ZNF221: variants seen among roughly 807,000 people sequenced by gnomAD.
ZNF221 encodes the protein zinc finger protein 221.
In ZNF221, 10 loss-of-function variants were observed where a neutral mutation model predicts 12.6. That is an observed-to-expected ratio of 0.79 (90% CI 0.49 to 1.34). The LOEUF (loss-of-function observed/expected upper bound fraction) is 1.34, where lower values mean the gene tolerates loss of function less well. ZNF221 is among the 40% of genes most tolerant of loss of function. The pLI is 0.00. For missense variants in ZNF221, 661 were observed against 721.4 expected (o/e 0.92, Z 0.96); for synonymous variants, 232 against 244.0 (o/e 0.95, Z 0.46).
intron 2 of ZNF221, 107 bp downstream of exon 2, chr19:43,962,914 G>A: frequency 9.3e-7 from 1 of 1,079,244 alleles, no homozygotes; most frequent in Non-Finnish European, 1.3e-6. Context: ...AGCATTTGAG[G>A]GCATTTTGTT....
intron 4 of ZNF221, 48 bp downstream of exon 4, chr19:43,965,373 T>C (rs1442207850): frequency 2.6e-6 from 4 of 1,518,412 alleles, no homozygotes; most frequent in Non-Finnish European, 3.6e-6. Flanking sequence ...CTTCCATCTG[T>C]TTTACTTCTG....
chr19:43,972,093 A>C (rs541358067), downstream of ZNF221, among the ~76,000 whole-genome samples: 1 of 152,316 alleles, frequency 6.6e-6, no homozygotes, highest in East Asian at 1.9e-4. Flanking sequence ...AGATTAAGAA[A>C]TTCACCCAAA....
intron 1 of ZNF221, among the ~76,000 whole-genome samples, chr19:43,957,903 A>G (rs1283509827): frequency 6.6e-6 from 1 of 152,236 alleles, no homozygotes; most frequent in Non-Finnish European, 1.5e-5. Flanking sequence ...GTACAGATCT[A>G]GCAGTCAGCT....
intron 2 of ZNF221, among the ~76,000 whole-genome samples, chr19:43,963,285 G>A (rs1027303565): frequency 6.6e-6 from 1 of 152,136 alleles, no homozygotes; most frequent in Non-Finnish European, 1.5e-5. Context: ...ACTGTTTTAA[G>A]CAACACTGCT....
At chr19:43,975,928 A>C in the ZNF221 span, among the ~76,000 whole-genome samples, 3 of 152,170 alleles carry the variant, frequency 2.0e-5, no homozygotes, top group Non-Finnish European at 2.9e-5. Context: ...TATAGTATAA[A>C]TTTAACAATC....
Position 43,965,841 on chromosome 19 carries a change from A to G in ZNF221, c.339A>G (p.Glu113=), listed in dbSNP as rs1268056965. 4.3e-6 allele frequency: 7 copies of G among 1,609,942 alleles called. No individual in the cohort carries two copies. The highest frequency in any genetic ancestry group is 5.9e-6 in the Non-Finnish European group (7 of 1,177,568). The part of the protein sequence containing the change: ...KIQIEMETVP[E]AGPHEEWSCQ... The stretch of plus-strand genomic sequence containing the variant: ...AAATTGAGATGGAGACTGTTCCAGA[A>G]GCAGGACCACATGAAGAGTGGTCCT... The change falls in exon 5 of 5, where the codon GAA becomes GAG. Residue 113 remains glutamate (E), a synonymous_variant. Transcript: ENST00000587682.
chr19:43,953,860 A>C (rs1480786290), intron 1 of ZNF221, among the ~76,000 whole-genome samples: 1 of 152,084 alleles, frequency 6.6e-6, no homozygotes, highest in African/African-American at 2.4e-5. Flanking sequence ...AGGTGGGTGG[A>C]TCACCTGAGG....
rs759242370 is a variant in ZNF221, at chr19:43,965,862, G to A, written c.360G>A (p.Trp120Ter). ...TVPEAGPHEE[W>*]SCQQIWEQIA... ...CAGAAGCAGGACCACATGAAGAGTGGTCCTGTCAGCAAATATGGGAACAAA... is the reference window on the plus strand; with the variant it reads ...CAGAAGCAGGACCACATGAAGAGTGATCCTGTCAGCAAATATGGGAACAAA... Residue 120 changes from tryptophan to a stop codon, truncating the protein, a stop_gained, in exon 5 of 5, where the codon TGG (tryptophan) becomes TGA (stop). Coordinates refer to ENST00000587682, the MANE Select transcript of ZNF221 (RefSeq NM_001297588.2). LOFTEE classifies it low-confidence loss of function (END_TRUNC). 6.2e-7 allele frequency: 1 copy of A among 1,613,790 alleles called. No homozygotes were observed. Among genetic ancestry groups the A allele is most frequent in the Admixed American group, 1.7e-5 (1 of 60,010 alleles).
At chr19:43,981,424 C>T in the ZNF221 span, among the ~76,000 whole-genome samples, 2 of 152,144 alleles carry the variant, frequency 1.3e-5, no homozygotes, top group Non-Finnish European at 2.9e-5. Context: ...ATCCTGCTTT[C>T]TGGGATGTAC....
chr19:43,961,353 A>G (rs1462394261), intron 1 of ZNF221, among the ~76,000 whole-genome samples: 1 of 152,204 alleles, frequency 6.6e-6, no homozygotes, highest in East Asian at 1.9e-4. Flanking sequence ...ATGAGAAACA[A>G]CTTATTGTAG....
chr19:43,964,873 C>G (rs201843749), intron 2 of ZNF221, 77 bp from the exon 3 acceptor site: 3 of 1,592,270 alleles, frequency 1.9e-6, no homozygotes, highest in South Asian at 1.1e-5. Context: ...CACCTGTCCC[C>G]TTTGCCTACT....
In ZNF221 at chr19:43,965,867, G is replaced by T. The variant is rs1974937542; in HGVS notation, c.365G>T (p.Cys122Phe). ...PEAGPHEEWS[C>F]QQIWEQIASD... The stretch of plus-strand genomic sequence containing the variant: ...GCAGGACCACATGAAGAGTGGTCCT[G>T]TCAGCAAATATGGGAACAAATTGCA... Residue 122 changes from cysteine to phenylalanine, a missense_variant, in exon 5 of 5, where the codon TGT becomes TTT. By Grantham distance (205) the Cys-to-Phe change is radical (BLOSUM62 -2). Coordinates refer to ENST00000587682, the MANE Select transcript of ZNF221 (RefSeq NM_001297588.2). 1 of 1,613,790 alleles carries T rather than the reference G, an allele frequency of 6.2e-7. No homozygotes were observed. Among genetic ancestry groups the T allele is most frequent in the Admixed American group, 1.7e-5 (1 of 60,002 alleles).
At chr19:43,957,308 G>A (rs1974773319) in intron 1 of ZNF221, among the ~76,000 whole-genome samples, 1 of 152,082 alleles carries the variant, frequency 6.6e-6, no homozygotes, top group African/African-American at 2.4e-5. Flanking sequence ...AGCCTTCCAA[G>A]TAGCTGGGAT....
chr19:43,963,657 C>T (rs1471254105), intron 2 of ZNF221, among the ~76,000 whole-genome samples: 2 of 152,168 alleles, frequency 1.3e-5, no homozygotes, highest in African/African-American at 2.4e-5. Flanking sequence ...TATATTTACT[C>T]AGAGAAGCAG....
chr19:43,951,548 C>T (rs1197911927), intron 1 of ZNF221, 148 bp downstream of exon 1: 1 of 152,268 alleles, frequency 6.6e-6, no homozygotes, highest in African/African-American at 2.4e-5. Flanking sequence ...CAATCCGCAT[C>T]CCTCCACTAC....
intron 1 of ZNF221, among the ~76,000 whole-genome samples, chr19:43,959,331 C>G (rs952691101): frequency 6.6e-6 from 1 of 152,082 alleles, no homozygotes; most frequent in African/African-American, 2.4e-5. Flanking sequence ...TATTTTTTCC[C>G]TTAGGGACAG....
chr19:43,966,239 G>T lies in ZNF221; in HGVS notation c.737G>T (p.Arg246Ile), dbSNP rs1342964694. 1.9e-6 allele frequency: 3 copies of T among 1,614,230 alleles called. No homozygotes were observed. The highest frequency in any genetic ancestry group is 2.5e-6 in the Non-Finnish European group (3 of 1,180,040). Residue 246 changes from arginine to isoleucine, a missense_variant, in exon 5 of 5, where the codon AGA (arginine) becomes ATA (isoleucine). Transcript: ENST00000587682. The stretch of plus-strand genomic sequence containing the variant: ...AGCTCACATCTGCAAACTCATCAGA[G>T]AGTCCATACTGGAGAGAAACCATTC... ...NQSSHLQTHQ[R>I]VHTGEKPFKC...
rs778260863 is a variant in ZNF221, at chr19:43,966,041, G to A, written c.539G>A (p.Ser180Asn). The A allele has an allele frequency of 9.9e-6, 16 of 1,614,236 alleles. No individual in the cohort carries two copies. Among genetic ancestry groups the A allele is most frequent in the Non-Finnish European group, 1.4e-5 (16 of 1,180,042 alleles). ...TGTAATGAATGTAAACAGTCCTTCA[G>A]TGATGTTTCTGTCTTTGATCTTCAT... ...YRCNECKQSF[S>N]DVSVFDLHQQ... Residue 180 changes from serine to asparagine, a missense_variant, in exon 5 of 5, where the codon AGT (serine) becomes AAT (asparagine). By Grantham distance (46) the Ser-to-Asn change is conservative (BLOSUM62 1). Transcript: ENST00000587682.
chr19:43,969,237 C>G (rs1372871795), downstream of ZNF221, among the ~76,000 whole-genome samples: 1 of 152,024 alleles, frequency 6.6e-6, no homozygotes, highest in Non-Finnish European at 1.5e-5. Flanking sequence ...AGCATTCCAG[C>G]CTGCCAGCTC....
Sources: gnomAD v4.1 joint callset for allele counts (sites outside exome capture counted in the v4.1 genomes callset) on GRCh38, gnomAD v4.1.1 for gene constraint, MANE v1.5 for transcripts, NCBI Gene and HGNC (gene_info 2026-07-23, HGNC 2026-07-21) for gene names.